GCSAML: variants seen among roughly 807,000 people sequenced by gnomAD.
The protein encoded by GCSAML is germinal center associated signaling and motility like.
GCSAML carries 9 observed loss-of-function variants against 13.0 expected under a neutral mutation model. The observed-to-expected ratio is 0.69, with a 90% confidence interval of 0.42 to 1.21. The LOEUF (loss-of-function observed/expected upper bound fraction) is 1.21. Among genes scored for constraint, GCSAML ranks in the 50% most tolerant of loss-of-function variants. The probability of loss-of-function intolerance (pLI) is 0.00; values close to 1 mark genes in which losing one functional copy is unlikely to be tolerated. For missense variants in GCSAML, 143 were observed against 153.4 expected, an observed-to-expected ratio of 0.93 and a Z score of 0.36; for synonymous variants, 37 against 52.9, an observed-to-expected ratio of 0.70 and a Z score of 1.31.
chr1:247,520,473 G>C (rs575941203), intron 1 of GCSAML, among the ~76,000 whole-genome samples: 1 of 152,024 alleles, frequency 6.6e-6, no homozygotes, highest in Admixed American at 6.6e-5. Flanking sequence ...GTTCTGATTT[G>C]CCAACCCCCA....
chr1:247,558,215 T>C (rs1014974199), intron 2 of GCSAML, among the ~76,000 whole-genome samples: 3 of 152,256 alleles, frequency 2.0e-5, no homozygotes, highest in Non-Finnish European at 4.4e-5. Flanking sequence ...GTGTTGCATG[T>C]GGGCTAAGAA....
chr1:247,512,989 C>A (rs1558231984), intron 1 of GCSAML, among the ~76,000 whole-genome samples: 1 of 152,118 alleles, frequency 6.6e-6, no homozygotes. Context: ...GCACAGGGGT[C>A]AAGGACCCAC....
intron 2 of GCSAML, chr1:247,529,528 T>G (rs1205275583): frequency 6.6e-6 from 1 of 152,204 alleles, no homozygotes; most frequent in African/African-American, 2.4e-5. Context: ...CGTAACCTGA[T>G]ACATGAGTCC....
At chr1:247,566,548 T>G (rs551166835) in intron 4 of GCSAML, among the ~76,000 whole-genome samples, 272 of 152,274 alleles carry the variant, frequency 1.8e-3, no homozygotes, top group Non-Finnish European at 3.3e-3. Flanking sequence ...CAGCCTATTA[T>G]TTTAATTTTC....
intron 4 of GCSAML, among the ~76,000 whole-genome samples, chr1:247,573,609 C>T (rs973425509): frequency 6.6e-6 from 1 of 152,184 alleles, no homozygotes; most frequent in Non-Finnish European, 1.5e-5. Context: ...TTGCTGGGAG[C>T]TGCAGACTGG....
chr1:247,566,808 C>T (rs1363559769), intron 4 of GCSAML, among the ~76,000 whole-genome samples: 2 of 151,886 alleles, frequency 1.3e-5, no homozygotes, highest in Non-Finnish European at 2.9e-5. Context: ...TTCTTTCCTT[C>T]ACTGTCTATG....
intron 2 of GCSAML, among the ~76,000 whole-genome samples, chr1:247,535,155 A>G (rs770053659): frequency 3.3e-5 from 5 of 152,180 alleles, no homozygotes; most frequent in Admixed American, 6.5e-5. Flanking sequence ...TTTACAAAAA[A>G]ATAAAATAAA....
rs139293334 is a variant in GCSAML, at chr1:247,531,779, G to A, written c.-148+4725G>A. On this transcript the variant is annotated intron_variant, in intron 2 of 5. Coordinates refer to the GCSAML transcript ENST00000366489. ...TAAAACAGAGACACCACAGCCACGT[G>A]GGAAGAACAGGTGTTGAATGCCTTT... 4.8e-5 allele frequency: 77 copies of A among 1,614,162 alleles called. No individual in the cohort carries two copies. The African/African-American group carries it at 9.6e-4, about 20-fold the overall frequency.
chr1:247,569,020 G>A (rs1387230532), intron 4 of GCSAML, among the ~76,000 whole-genome samples: 2 of 152,130 alleles, frequency 1.3e-5, no homozygotes, highest in African/African-American at 4.8e-5. Context: ...TGTTATTGGT[G>A]TAGAGGAATG....
chr1:247,555,522 T>C (rs1667918019), intron 1 of GCSAML, among the ~76,000 whole-genome samples: 1 of 152,244 alleles, frequency 6.6e-6, no homozygotes, highest in Non-Finnish European at 1.5e-5. Context: ...TGTGTTGATA[T>C]CTAGCAATGT....
chr1:247,539,443 G>A (rs1667332329), intron 2 of GCSAML, among the ~76,000 whole-genome samples: 1 of 152,182 alleles, frequency 6.6e-6, no homozygotes, highest in Non-Finnish European at 1.5e-5. Context: ...TTCCTGAAAA[G>A]AACTTAAGCA....
At chr1:247,524,490 C>T (rs926623678) in intron 1 of GCSAML, among the ~76,000 whole-genome samples, 1 of 152,226 alleles carries the variant, frequency 6.6e-6, no homozygotes, top group African/African-American at 2.4e-5. Context: ...TCTTAACCGA[C>T]ATTCTCATTT....
rs548348508 is a variant in GCSAML, at chr1:247,513,296, TTTG to T, written c.-263+6066_-263+6068del. On this transcript the variant is annotated intron_variant, in intron 1 of 5. Coordinates refer to the GCSAML transcript ENST00000366489. ...AGACCAGTTCAAATTTCCCGGTGGC[TTTG>T]TTAACACAGTGAGAGGAAAGCCACC... Among the ~76,000 whole-genome samples the T allele has an allele frequency of 1.9e-4, 29 of 152,294 alleles. No homozygotes were observed. In the South Asian group the frequency reaches 5.4e-3, roughly 28 times the overall value.
At chr1:247,518,385 C>T (rs6700954) in intron 1 of GCSAML, 89,959 of 152,274 alleles carry the variant, frequency 0.59, 27,994 homozygotes, top group East Asian at 0.85. Flanking sequence ...TGGCCTCGGC[C>T]CCTCGGGGGC....
At chr1:247,533,731 T>C (rs1667104922) in intron 2 of GCSAML, 1 of 152,248 alleles carries the variant, frequency 6.6e-6, no homozygotes, top group Admixed American at 6.5e-5. Context: ...GAAGTTTCTC[T>C]TGTATCTTTG....
rs1553306340 is a variant in GCSAML, at chr1:247,556,491, T to TTTTCGTTTTG, written c.89+28_89+29insCGTTTTGTTT. Reference sequence around the variant, plus strand: ...GGTAAGAACAGAGCATCTCAGAGTTTTTTTGTTTTGTTTTGTTTTGTTTTT... The same window carrying TTTTCGTTTTG: ...GGTAAGAACAGAGCATCTCAGAGTTTTTTCGTTTTGTTTTGTTTTGTTTTGTTTTGTTTTT... On this transcript the variant is annotated intron_variant, in intron 2 of 4. Transcript: ENST00000366488. 19 of 1,567,364 alleles carry TTTTCGTTTTG rather than the reference T, an allele frequency of 1.2e-5. No homozygotes were observed. The African/African-American group carries it at 1.9e-4, about 16-fold the overall frequency.
In GCSAML at chr1:247,565,929, A is replaced by G; in HGVS notation, c.140-2A>G. 4 of 1,508,430 alleles carry G rather than the reference A, an allele frequency of 2.7e-6. No homozygotes were observed. Among genetic ancestry groups the G allele is most frequent in the Non-Finnish European group, 3.6e-6 (4 of 1,121,004 alleles). 93.4% of individuals were successfully genotyped at this position (1,508,430 alleles called of 1,614,324 possible). On this transcript the variant is annotated splice_acceptor_variant, in intron 3 of 4. Transcript: ENST00000366488. LOFTEE classifies it high-confidence loss of function. The stretch of plus-strand genomic sequence containing the variant: ...CTTTTTTTTTTTTTTTTAATTCTCC[A>G]GGCCAAGAAGTTTCATCCACTTCTA...
At chr1:247,535,032 C>T (rs1667159920) in intron 2 of GCSAML, among the ~76,000 whole-genome samples, 1 of 152,104 alleles carries the variant, frequency 6.6e-6, no homozygotes, top group Non-Finnish European at 1.5e-5. Flanking sequence ...GGGAGGCAAG[C>T]CGGGGGCGGT....
chr1:247,572,046 C>G (rs1668636655), intron 4 of GCSAML, among the ~76,000 whole-genome samples: 1 of 152,158 alleles, frequency 6.6e-6, no homozygotes, highest in South Asian at 2.1e-4. Flanking sequence ...TGTTTTTCAG[C>G]TCCATCAGGT....
Sources: allele counts gnomAD v4.1 joint callset (sites outside exome capture counted in the v4.1 genomes callset), GRCh38; gene constraint gnomAD v4.1.1; transcripts MANE v1.5; gene names NCBI Gene and HGNC (gene_info 2026-07-23, HGNC 2026-07-21).